TENM3: variants seen among roughly 807,000 people sequenced by gnomAD.
TENM3 encodes teneurin-3.
TENM3 carries 63 observed loss-of-function variants against 255.1 expected under a neutral mutation model. The observed-to-expected ratio is 0.25, with a 90% CI of 0.20 to 0.30. The LOEUF (loss-of-function observed/expected upper bound fraction) is 0.30. TENM3 is among the 10% of genes least tolerant of loss of function. TENM3 has a pLI of 1.00. For missense variants in TENM3, 2,929 were observed against 3,461.1 expected (o/e 0.85, Z 3.86); for synonymous variants, 1,306 against 1,322.3 (o/e 0.99, Z 0.27).
rs529468434 is a variant in TENM3, at chr4:182,160,737, G to T, written c.-76+15983G>T. ...AAGGGTACAGTTTCATTTAGATGTGGGAATGAGCTCTGGTGACCTATTGCA... is the reference window on the plus strand; with the variant it reads ...AAGGGTACAGTTTCATTTAGATGTGTGAATGAGCTCTGGTGACCTATTGCA... On this transcript the variant is annotated intron_variant, in intron 1 of 2. Coordinates refer to the TENM3 transcript ENST00000512480. 6.0e-4 allele frequency among the ~76,000 whole-genome samples: 91 copies of T among 152,212 alleles called. 1 individual carries two copies. In the South Asian group the frequency reaches 0.019, roughly 32 times the overall value.
chr4:182,300,556 T>G (rs1394538360), intron 1 of TENM3, among the ~76,000 whole-genome samples: 1 of 152,136 alleles, frequency 6.6e-6, no homozygotes, highest in Non-Finnish European at 1.5e-5. Flanking sequence ...TGTGCCTACC[T>G]TTGGCCTTAG....
chr4:182,458,091 A>G (rs1217149358), intron 3 of TENM3, among the ~76,000 whole-genome samples: 1 of 152,118 alleles, frequency 6.6e-6, no homozygotes, highest in East Asian at 1.9e-4. Flanking sequence ...TTGAGGCAAT[A>G]TATGTTTTGT....
chr4:182,174,955 G>A (rs370465379), intron 1 of TENM3, among the ~76,000 whole-genome samples: 3 of 106,860 alleles, frequency 2.8e-5, no homozygotes, highest in African/African-American at 9.7e-5. Flanking sequence ...TGAAATATTT[G>A]TTACATATTA....
chr4:181,904,313 C>A, the TENM3 span, among the ~76,000 whole-genome samples: 1 of 152,152 alleles, frequency 6.6e-6, no homozygotes, highest in Admixed American at 6.5e-5. Context: ...ACCCACCTAG[C>A]AGCCTTTTAG....
the TENM3 span, among the ~76,000 whole-genome samples, chr4:181,534,473 C>CA: frequency 2.0e-5 from 3 of 151,428 alleles, no homozygotes; most frequent in Non-Finnish European, 2.9e-5. Context: ...TCTTCCCCCC[C>CA]CCCACAGAAA....
the TENM3 span, among the ~76,000 whole-genome samples, chr4:182,107,151 T>TACACACACACACAC: frequency 2.5e-4 from 37 of 146,072 alleles, no homozygotes; most frequent in South Asian, 2.5e-3. Flanking sequence ...AAACAGAACA[T>TACACACACACACAC]ACACACACAC....
At chr4:181,684,843 CTCCTGGGCTCAAGTAT>C in the TENM3 span, among the ~76,000 whole-genome samples, 2 of 151,140 alleles carry the variant, frequency 1.3e-5, no homozygotes, top group African/African-American at 4.9e-5. Flanking sequence ...CAGCCTCGAA[CTCCTGGGCTCAAGTAT>C]TCTTCCCCAC....
At chr4:182,251,448 A>G (rs1758006955) in intron 1 of TENM3, among the ~76,000 whole-genome samples, 1 of 152,218 alleles carries the variant, frequency 6.6e-6, no homozygotes, top group African/African-American at 2.4e-5. Context: ...AGCCTGGGTG[A>G]CACAGCGAGA....
intron 3 of TENM3, among the ~76,000 whole-genome samples, chr4:182,444,480 C>A (rs894110835): frequency 6.6e-6 from 1 of 152,094 alleles, no homozygotes; most frequent in African/African-American, 2.4e-5. Flanking sequence ...TCTAAACAGA[C>A]TAGATTCTAG....
At chr4:182,729,243 T>G in intron 14 of TENM3, 62 bp downstream of exon 14, 1 of 1,374,366 alleles carries the variant, frequency 7.3e-7, no homozygotes, top group South Asian at 1.2e-5. Flanking sequence ...CATACACTTA[T>G]GTGAAATACT....
chr4:182,236,206 CAAGT>C (rs1249409617), intron 1 of TENM3, among the ~76,000 whole-genome samples: 3 of 152,272 alleles, frequency 2.0e-5, no homozygotes, highest in Admixed American at 6.5e-5. Context: ...GATAACTAAA[CAAGT>C]AATATATAAT....
At chr4:182,120,447 A>G in the TENM3 span, among the ~76,000 whole-genome samples, 1 of 152,100 alleles carries the variant, frequency 6.6e-6, no homozygotes, top group Non-Finnish European at 1.5e-5. Flanking sequence ...GTACCTACAT[A>G]TATATGTGTG....
the TENM3 span, among the ~76,000 whole-genome samples, chr4:181,928,338 G>A: frequency 6.6e-6 from 1 of 151,816 alleles, no homozygotes; most frequent in Non-Finnish European, 1.5e-5. Flanking sequence ...GAACATAAAT[G>A]ACCTGATGGA....
intron 24 of TENM3, among the ~76,000 whole-genome samples, chr4:182,781,150 T>A (rs1279782082): frequency 6.6e-6 from 1 of 152,124 alleles, no homozygotes; most frequent in African/African-American, 2.4e-5. Flanking sequence ...TCAAAGGGAA[T>A]GCTTCCAGTT....
intron 6 of TENM3, among the ~76,000 whole-genome samples, chr4:182,663,977 G>A (rs1306745771): frequency 6.6e-6 from 1 of 152,164 alleles, no homozygotes; most frequent in Admixed American, 6.5e-5. Flanking sequence ...CTACTTAGTG[G>A]TACTTTGTTT....
At chr4:182,718,286 T>A (rs947552077) in intron 13 of TENM3, among the ~76,000 whole-genome samples, 1 of 152,210 alleles carries the variant, frequency 6.6e-6, no homozygotes, top group Non-Finnish European at 1.5e-5. Flanking sequence ...TAACTCTGCT[T>A]TCTTCTACCT....
At chr4:181,894,252 G>A in the TENM3 span, among the ~76,000 whole-genome samples, 1 of 152,098 alleles carries the variant, frequency 6.6e-6, no homozygotes, top group South Asian at 2.1e-4. Context: ...ATCATCATTA[G>A]CAGTAATGAT....
chr4:182,448,893 A>G, intron 3 of TENM3: 1 of 245,316 alleles, frequency 4.1e-6, no homozygotes, highest in African/African-American at 2.4e-5. Flanking sequence ...CCCGGCGCGA[A>G]GGGGTTAAGC....
the TENM3 span, among the ~76,000 whole-genome samples, chr4:181,892,016 T>C: frequency 6.6e-6 from 1 of 152,290 alleles, no homozygotes; most frequent in East Asian, 1.9e-4. Context: ...GACATAGCAT[T>C]TGTCCAGGAT....
Sources: allele counts gnomAD v4.1 joint callset (sites outside exome capture counted in the v4.1 genomes callset), GRCh38; gene constraint gnomAD v4.1.1; transcripts MANE v1.5; gene names NCBI Gene and HGNC (gene_info 2026-07-23, HGNC 2026-07-21).